Variants in RALGAPA2 observed in about 807,000 individuals in gnomAD.
The protein encoded by RALGAPA2 is ral GTPase-activating protein subunit alpha-2.
A neutral mutation model predicts 230.4 loss-of-function variants in RALGAPA2; 139 were observed. The observed-to-expected ratio is 0.60, with a 90% CI of 0.53 to 0.69. The LOEUF is 0.69. Ranked by LOEUF, RALGAPA2 falls within the 30% of genes least tolerant of loss-of-function variation. RALGAPA2 has a pLI of 0.00. For missense variants in RALGAPA2, 2,163 were observed against 2,276.0 expected (o/e 0.95, Z 1.01); for synonymous variants, 847 against 837.8 (o/e 1.01, Z -0.19).
At position 20,571,608 on chromosome 20, in the gene RALGAPA2, C is replaced by T. The variant is rs774682684; in HGVS notation, c.3006G>A (p.Ala1002=). 39 of 1,608,578 alleles carry T rather than the reference C, an allele frequency of 2.4e-5. No individual in the cohort carries two copies. Among genetic ancestry groups the T allele is most frequent in the African/African-American group, 1.5e-4 (11 of 74,850 alleles). The change falls in exon 23 of 40, where the codon GCG becomes GCA. Residue 1002 remains alanine, a synonymous_variant. Coordinates refer to ENST00000202677, the MANE Select transcript of RALGAPA2 (RefSeq NM_020343.4). ...CTTCCTTATATTCATTTGGCAGTGT[C>T]GCCGCCTGTCAAGGAGATGATGTTT... ...RMFASWLFKA[A]TLPNEYKEGK... is the part of the protein sequence containing the mutation.
intron 1 of RALGAPA2, among the ~76,000 whole-genome samples, chr20:20,704,830 CTTAACTCCATGGTGCTACACACCA>C (rs1364841919): frequency 1.2e-4 from 18 of 152,362 alleles, no homozygotes; most frequent in Non-Finnish European, 1.5e-4. Flanking sequence ...CCATTGTGCA[CTTAACTCCATGGTGCTACACACCA>C]TTACCTTTGC....
At chr20:20,683,758 G>A (rs1003030674) in intron 1 of RALGAPA2, among the ~76,000 whole-genome samples, 2 of 152,164 alleles carry the variant, frequency 1.3e-5, no homozygotes, top group African/African-American at 2.4e-5. Context: ...TGATAAGCAG[G>A]ATACAGCACC....
intron 25 of RALGAPA2, 133 bp from the exon 26 acceptor site, chr20:20,535,936 G>T (rs1602690056): frequency 5.2e-6 from 7 of 1,353,460 alleles, no homozygotes; most frequent in Non-Finnish European, 6.7e-6. Flanking sequence ...CTATGAGTGA[G>T]AGCCTGGGGG....
intron 1 of RALGAPA2, among the ~76,000 whole-genome samples, chr20:20,705,732 G>A (rs187267922): frequency 1.1e-3 from 164 of 152,030 alleles, no homozygotes; most frequent in Middle Eastern, 3.4e-3. Context: ...GCAGTGGTGC[G>A]ATCTCTGCTC....
intron 37 of RALGAPA2, among the ~76,000 whole-genome samples, chr20:20,468,516 C>A (rs1602460599): frequency 6.6e-6 from 1 of 152,150 alleles, no homozygotes; most frequent in Admixed American, 6.6e-5. Flanking sequence ...TCCTCTTATA[C>A]CCAATCCTCC....
At chr20:20,413,440 TGAG>T (rs2037797583) in intron 37 of RALGAPA2, among the ~76,000 whole-genome samples, 1 of 152,148 alleles carries the variant, frequency 6.6e-6, no homozygotes, top group Non-Finnish European at 1.5e-5. Flanking sequence ...TTTCATACCG[TGAG>T]GAGACCAGAG....
intron 37 of RALGAPA2, among the ~76,000 whole-genome samples, chr20:20,468,254 C>G (rs2061463110): frequency 6.6e-6 from 1 of 152,174 alleles, no homozygotes; most frequent in Admixed American, 6.5e-5. Context: ...GAGCTGATAT[C>G]AAGTAGTAGA....
chr20:20,573,331 G>A (rs971959119), intron 20 of RALGAPA2, among the ~76,000 whole-genome samples: 1 of 152,128 alleles, frequency 6.6e-6, no homozygotes, highest in Non-Finnish European at 1.5e-5. Flanking sequence ...TAGATCAGGG[G>A]AGAGGAAGAG....
intron 24 of RALGAPA2, among the ~76,000 whole-genome samples, chr20:20,538,071 G>A (rs192988861): frequency 3.2e-4 from 48 of 152,300 alleles, no homozygotes; most frequent in Middle Eastern, 6.8e-3. Flanking sequence ...GAGATGAGGC[G>A]CAGTATGTGA....
chr20:20,553,261 T>C (rs1257835546), intron 23 of RALGAPA2, among the ~76,000 whole-genome samples: 1 of 152,168 alleles, frequency 6.6e-6, no homozygotes, highest in Non-Finnish European at 1.5e-5. Flanking sequence ...AGAATCAAAA[T>C]TGCCTAGTGG....
At chr20:20,511,982 A>G (rs1004453782) in intron 32 of RALGAPA2, among the ~76,000 whole-genome samples, 1 of 152,178 alleles carries the variant, frequency 6.6e-6, no homozygotes, top group African/African-American at 2.4e-5. Context: ...TGAGGTCAGT[A>G]GTTTGAGACC....
intron 37 of RALGAPA2, among the ~76,000 whole-genome samples, chr20:20,413,148 GGA>G (rs1234668442): frequency 1.3e-5 from 2 of 152,182 alleles, no homozygotes; most frequent in Non-Finnish European, 2.9e-5. Context: ...TAATTCTCCG[GGA>G]ACACAGGGAA....
chr20:20,404,951 TGTCAGGAGTGTCACTGTCCCCGCAGTGG>T (rs1569365912), intron 38 of RALGAPA2, among the ~76,000 whole-genome samples: 1 of 152,208 alleles, frequency 6.6e-6, no homozygotes, highest in African/African-American at 2.4e-5. Context: ...GCCCCAGGGT[TGTCAGGAGTGTCACTGTCCCCGCAGTGG>T]CTCTGAAACA....
rs1568741580 is a variant in RALGAPA2 at position 20,677,628 on chromosome 20, C to CTT, written c.218-1341_218-1340insAA. On this transcript the variant is annotated intron_variant, in intron 2 of 39. Transcript: ENST00000202677. The stretch of plus-strand genomic sequence containing the variant: ...AGCAGCCAAGAATCATGATTTGACC[C>CTT]ATTTTTTTTTTTTTTTTTTTTTTTT... 1.5e-3 allele frequency among the ~76,000 whole-genome samples: 186 copies of CTT among 121,792 alleles called. 3 individuals carry two copies. The highest frequency in any genetic ancestry group is 1.9e-3 in the Non-Finnish European group (114 of 59,556). The allele number at this position is 121,792 out of a possible 152,430, so 79.9% of individuals were successfully genotyped here.
chr20:20,675,459 T>C (rs997939573), intron 3 of RALGAPA2, among the ~76,000 whole-genome samples: 3 of 152,174 alleles, frequency 2.0e-5, no homozygotes, highest in Admixed American at 6.5e-5. Flanking sequence ...GCCTTTCCTT[T>C]ACAGCTATAA....
At chr20:20,606,685 T>C (rs1415804243) in intron 14 of RALGAPA2, among the ~76,000 whole-genome samples, 2 of 152,092 alleles carry the variant, frequency 1.3e-5, no homozygotes, top group Non-Finnish European at 2.9e-5. Context: ...TCCCTGCATT[T>C]TCCCCCCATC....
At chr20:20,496,218 A>T (rs2062200480) in intron 35 of RALGAPA2, among the ~76,000 whole-genome samples, 1 of 151,924 alleles carries the variant, frequency 6.6e-6, no homozygotes, top group Non-Finnish European at 1.5e-5. Flanking sequence ...GGCGTCTTTG[A>T]GGAGGCCTTA....
chr20:20,608,499 A>C (rs552132620), intron 14 of RALGAPA2, among the ~76,000 whole-genome samples: 7 of 152,280 alleles, frequency 4.6e-5, no homozygotes, highest in South Asian at 4.1e-4. Flanking sequence ...AGAAAAAAAA[A>C]CAAACACTAG....
intron 30 of RALGAPA2, among the ~76,000 whole-genome samples, chr20:20,523,907 G>C (rs1355100556): frequency 6.6e-6 from 1 of 152,094 alleles, no homozygotes; most frequent in Admixed American, 6.5e-5. Context: ...TCTTTAACTT[G>C]GTAACTAACC....
Sources: gnomAD v4.1 joint callset for allele counts (sites outside exome capture counted in the v4.1 genomes callset) on GRCh38, gnomAD v4.1.1 for gene constraint, MANE v1.5 for transcripts, NCBI Gene and HGNC (gene_info 2026-07-23, HGNC 2026-07-21) for gene names.